The following ZNF609 variants were observed in gnomAD, a reference collection of about 807,000 sequenced individuals.
ZNF609 encodes zinc finger protein 609.
ZNF609 carries 11 observed loss-of-function variants against 109.5 expected under a neutral mutation model. The observed-to-expected ratio is 0.10, with a 90% CI of 0.06 to 0.17. The LOEUF (loss-of-function observed/expected upper bound fraction) is 0.17. Ranked by LOEUF, ZNF609 falls within the 10% of genes least tolerant of loss-of-function variation. The pLI, the probability that ZNF609 is intolerant of heterozygous loss-of-function variation, is 1.00. For synonymous variants in ZNF609, 646 were observed against 662.0 expected, an observed-to-expected ratio of 0.98 and a Z score of 0.37; for missense variants, 1,559 against 1,772.4, an observed-to-expected ratio of 0.88 and a Z score of 2.16.
At position 64,555,492 on chromosome 15, in the gene ZNF609, C is replaced by T. The variant is rs142815699; in HGVS notation, c.747+55326C>T. ...CAGCCTGGGCAGCATGGTGAAACCT[C>T]GTCTCTACTAAAAATACAAAAATTA... On this transcript the variant is annotated intron_variant, in intron 2 of 9. Transcript: ENST00000326648. Among the ~76,000 whole-genome samples the T allele has an allele frequency of 5.1e-3, 768 of 151,548 alleles. 3 individuals carry two copies. Among genetic ancestry groups the T allele is most frequent in the Non-Finnish European group, 8.7e-3 (589 of 67,904 alleles).
At chr15:64,476,863 C>T (rs1893177752) in intron 1 of ZNF609, among the ~76,000 whole-genome samples, 1 of 152,098 alleles carries the variant, frequency 6.6e-6, no homozygotes, top group Non-Finnish European at 1.5e-5. Flanking sequence ...GTATCATAAC[C>T]TTCTCTCTTC....
intron 2 of ZNF609, among the ~76,000 whole-genome samples, chr15:64,607,555 G>C (rs1053888648): frequency 6.7e-6 from 1 of 149,444 alleles, no homozygotes; most frequent in Admixed American, 6.7e-5. Context: ...CCCAGGCTGG[G>C]GTGCAGTGGC....
At chr15:64,486,968 A>G (rs753128871) in intron 1 of ZNF609, among the ~76,000 whole-genome samples, 5 of 152,050 alleles carry the variant, frequency 3.3e-5, no homozygotes, top group Admixed American at 1.3e-4. Flanking sequence ...AATCATCCCA[A>G]TATAGTTATG....
chr15:64,525,656 G>A (rs755371604), intron 2 of ZNF609, among the ~76,000 whole-genome samples: 1 of 152,130 alleles, frequency 6.6e-6, no homozygotes, highest in Non-Finnish European at 1.5e-5. Context: ...CAGTCAGTTT[G>A]GAGAGTTCTG....
chr15:64,625,277 T>G (rs1291874275), intron 3 of ZNF609, among the ~76,000 whole-genome samples: 1 of 152,140 alleles, frequency 6.6e-6, no homozygotes. Context: ...AAATACTTGT[T>G]TGAGGCCAGG....
At chr15:64,477,383 G>T (rs570140403) in intron 1 of ZNF609, among the ~76,000 whole-genome samples, 8 of 151,608 alleles carry the variant, frequency 5.3e-5, no homozygotes, top group African/African-American at 9.7e-5. Context: ...CTCGTGATCC[G>T]CCGGCCTCAG....
At chr15:64,469,382 C>A (rs527442648) in intron 1 of ZNF609, among the ~76,000 whole-genome samples, 7 of 143,804 alleles carry the variant, frequency 4.9e-5, no homozygotes, top group Non-Finnish European at 9.0e-5. Flanking sequence ...TGTGATCTCA[C>A]CACTGCAATT....
In ZNF609 at chr15:64,461,416, A is replaced by G. The variant is rs117846335; in HGVS notation, c.-128+578A>G. On this transcript the variant is annotated intron_variant, in intron 1 of 9. Transcript: ENST00000326648. Reference sequence around the variant, plus strand: ...GAGGGATCCCTGGGCCTGGACCTCAACTGCTATCCTTGTACCCCCGGGAGG... The same window carrying G: ...GAGGGATCCCTGGGCCTGGACCTCAGCTGCTATCCTTGTACCCCCGGGAGG... 8.8e-4 allele frequency among the ~76,000 whole-genome samples: 134 copies of G among 151,948 alleles called. 2 individuals are homozygous for G. In the East Asian group the frequency reaches 0.021, roughly 23 times the overall value.
At chr15:64,620,197 A>T (rs1006493179) in intron 2 of ZNF609, among the ~76,000 whole-genome samples, 1 of 152,232 alleles carries the variant, frequency 6.6e-6, no homozygotes, top group African/African-American at 2.4e-5. Flanking sequence ...TTCTCTTGTG[A>T]GTAGAAGAAA....
chr15:64,462,042 A>G (rs867212591), intron 1 of ZNF609, among the ~76,000 whole-genome samples: 33 of 152,128 alleles, frequency 2.2e-4, no homozygotes, highest in African/African-American at 7.0e-4. Context: ...TCACCCGCCT[A>G]TTGTGTACAC....
chr15:64,675,410 G>T lies in ZNF609; in HGVS notation c.2556G>T (p.Gly852=). 1 of 1,614,194 alleles carries T rather than the reference G, an allele frequency of 6.2e-7. No homozygotes were observed. The highest frequency in any genetic ancestry group is 8.5e-7 in the Non-Finnish European group (1 of 1,180,030). The change falls in exon 5 of 10, where the codon GGG becomes GGT. Residue 852 remains glycine, a synonymous_variant. Coordinates refer to ENST00000326648, the MANE Select transcript of ZNF609 (RefSeq NM_015042.2). ...SPAYSDISDA[G]EDGEGKVDSV... Reference sequence around the variant, plus strand: ...CATACTCTGACATCTCTGATGCTGGGGAGGATGGGGAGGGCAAGGTAGACA... The same window carrying T: ...CATACTCTGACATCTCTGATGCTGGTGAGGATGGGGAGGGCAAGGTAGACA...
rs575656480 is a variant in ZNF609, at chr15:64,593,053, C to G, written c.748-29774C>G. 1.4e-5 allele frequency: 22 copies of G among 1,587,160 alleles called. 1 individual carries two copies. The African/African-American group carries it at 2.3e-4, about 16-fold the overall frequency. On this transcript the variant is annotated intron_variant, in intron 2 of 9. Transcript: ENST00000326648. ...ACATGCAGCCTATTCGCTGCACTAA[C>G]TGTGCCCGATGCGTGCCCAAAGACA... is the stretch of plus-strand genomic sequence containing the variant.
chr15:64,530,356 G>A (rs1894041710), intron 2 of ZNF609, among the ~76,000 whole-genome samples: 1 of 152,140 alleles, frequency 6.6e-6, no homozygotes. Flanking sequence ...ATATTACCTA[G>A]CCTCTGGGCC....
chr15:64,505,481 A>T (rs1284666411), intron 2 of ZNF609, among the ~76,000 whole-genome samples: 1 of 152,224 alleles, frequency 6.6e-6, no homozygotes, highest in African/African-American at 2.4e-5. Context: ...CATTAATTGA[A>T]TGCATTTTAG....
rs548053036 is a variant in ZNF609, at chr15:64,518,969, T to A, written c.747+18803T>A. Reference sequence around the variant, plus strand: ...AAAATAGATTTGGTCCTGCTCTTTCTAGGGCATACGGTTTAGTAGGGGAGA... The same window carrying A: ...AAAATAGATTTGGTCCTGCTCTTTCAAGGGCATACGGTTTAGTAGGGGAGA... On this transcript the variant is annotated intron_variant, in intron 2 of 9. Coordinates refer to ENST00000326648, the MANE Select transcript of ZNF609 (RefSeq NM_015042.2). Among the ~76,000 whole-genome samples the A allele has an allele frequency of 1.4e-3, 208 of 152,206 alleles. 1 individual carries two copies. Among genetic ancestry groups the A allele is most frequent in the African/African-American group, 4.9e-3 (202 of 41,506 alleles).
At position 64,674,414 on chromosome 15, in the gene ZNF609, T is replaced by C. The variant is rs767178549; in HGVS notation, c.1560T>C (p.His520=). 2 of 1,614,072 alleles carry C rather than the reference T, an allele frequency of 1.2e-6. No individual in the cohort carries two copies. The highest frequency in any genetic ancestry group is 4.5e-5 in the East Asian group (2 of 44,878). The change falls in exon 5 of 10, where the codon CAT becomes CAC. Residue 520 remains histidine, a synonymous_variant. Coordinates refer to ENST00000326648, the MANE Select transcript of ZNF609 (RefSeq NM_015042.2). Reference sequence around the variant, plus strand: ...TTAAGTACCACCAAGCTCATGCCCATACAGATGATGACAGCAAGCCGGAAG... The same window carrying C: ...TTAAGTACCACCAAGCTCATGCCCACACAGATGATGACAGCAAGCCGGAAG... ...NGLKYHQAHA[H]TDDDSKPEAD...
chr15:64,683,798 T>C lies in ZNF609; in HGVS notation c.*2112T>C, dbSNP rs1008394422. 6.6e-6 allele frequency: 1 copy of C among 152,284 alleles called. No individual in the cohort carries two copies. Among genetic ancestry groups the C allele is most frequent in the African/African-American group, 2.4e-5 (1 of 41,460 alleles). 9.4% of individuals were successfully genotyped at this position (152,284 alleles called of 1,614,324 possible). A position where few individuals can be genotyped will look rare whatever the true frequency, so the allele number is the denominator to read the frequency against. ...GTTGTGTGTTTTGTATCTGTGGCACTGGCCTGCAGCATACTCTGTATATAT... is the reference window on the plus strand; with the variant it reads ...GTTGTGTGTTTTGTATCTGTGGCACCGGCCTGCAGCATACTCTGTATATAT... On this transcript the variant is annotated 3_prime_UTR_variant, in exon 10 of 10. Transcript: ENST00000326648.
At chr15:64,537,441 C>A (rs986114605) in intron 2 of ZNF609, among the ~76,000 whole-genome samples, 2 of 146,758 alleles carry the variant, frequency 1.4e-5, no homozygotes, top group African/African-American at 2.5e-5. Flanking sequence ...GCGGAGCTTG[C>A]GGTGAGCCGG....
rs200173247 is a variant in ZNF609 at position 64,487,122 on chromosome 15, G to A, written c.-127-12171G>A. ...TTAATATCATTACTTAATTTTTTTT[G>A]ATTTGTTTTTATATCCCTATTTCTG... is the stretch of plus-strand genomic sequence containing the variant. On this transcript the variant is annotated intron_variant, in intron 1 of 9. Coordinates refer to ENST00000326648, the MANE Select transcript of ZNF609 (RefSeq NM_015042.2). Among the ~76,000 whole-genome samples the A allele has an allele frequency of 2.6e-5, 4 of 151,702 alleles. No homozygotes were observed. The East Asian group carries it at 7.7e-4, about 29-fold the overall frequency.
Sources: allele counts gnomAD v4.1 joint callset (sites outside exome capture counted in the v4.1 genomes callset), GRCh38; gene constraint gnomAD v4.1.1; transcripts MANE v1.5; gene names NCBI Gene and HGNC (gene_info 2026-07-23, HGNC 2026-07-21).